The following ADGRD1 variants were observed in gnomAD, a reference collection of about 807,000 sequenced individuals.
ADGRD1 encodes adhesion G protein-coupled receptor D1.
In ADGRD1, 77 loss-of-function variants were observed where a neutral mutation model predicts 113.4. The observed-to-expected ratio is 0.68, with a 90% CI of 0.57 to 0.82. The LOEUF (loss-of-function observed/expected upper bound fraction) is 0.82. Among genes scored for constraint, ADGRD1 ranks in the 40% least tolerant of loss-of-function variants. The pLI is 0.00. For missense variants in ADGRD1, 1,036 were observed against 1,139.1 expected (o/e 0.91, Z 1.30); for synonymous variants, 474 against 475.0 (o/e 1.00, Z 0.03).
rs886373822 is a variant in ADGRD1, at chr12:130,963,640, G to C, written c.104-2823G>C. On this transcript the variant is annotated intron_variant, in intron 2 of 24. Transcript: ENST00000261654. ...ATGAACCTTAGTATTCGTCCCAGCT[G>C]TATTCCAGTCCAGAGTGTAGATGTG... is the stretch of plus-strand genomic sequence containing the variant. Among the ~76,000 whole-genome samples the C allele has an allele frequency of 1.6e-4, 25 of 152,222 alleles. 1 individual carries two copies. Among genetic ancestry groups the C allele is most frequent in the Admixed American group, 1.4e-3 (21 of 15,286 alleles).
At chr12:130,962,846 A>T (rs1276106339) in intron 2 of ADGRD1, 1 of 152,182 alleles carries the variant, frequency 6.6e-6, no homozygotes, top group Non-Finnish European at 1.5e-5. Context: ...GACAGATGCA[A>T]ATTGAAAAGT....
chr12:131,039,515 C>A (rs979550678), intron 13 of ADGRD1, among the ~76,000 whole-genome samples: 1 of 152,260 alleles, frequency 6.6e-6, no homozygotes, highest in Non-Finnish European at 1.5e-5. Context: ...ACAAATGAGT[C>A]CTGTTCCCTG....
intron 13 of ADGRD1, among the ~76,000 whole-genome samples, chr12:131,072,647 T>C (rs1885277482): frequency 6.6e-6 from 1 of 152,198 alleles, no homozygotes; most frequent in African/African-American, 2.4e-5. Flanking sequence ...TCAGGACTTA[T>C]TCCATTGAAA....
chr12:131,136,436 T>C (rs1951087898), intron 22 of ADGRD1, among the ~76,000 whole-genome samples: 1 of 152,226 alleles, frequency 6.6e-6, no homozygotes, highest in South Asian at 2.1e-4. Flanking sequence ...ACAGTCTGCC[T>C]GTGGCAGCTC....
At chr12:130,983,887 C>T (rs1873312763) in intron 5 of ADGRD1, among the ~76,000 whole-genome samples, 2 of 152,176 alleles carry the variant, frequency 1.3e-5, no homozygotes, top group African/African-American at 4.8e-5. Flanking sequence ...GCTGGCAGAA[C>T]AAAGGGAACC....
intron 13 of ADGRD1, among the ~76,000 whole-genome samples, chr12:131,045,929 G>A (rs538202692): frequency 5.8e-4 from 88 of 151,040 alleles, no homozygotes; most frequent in South Asian, 1.7e-3. Flanking sequence ...CTTCCTGGTG[G>A]TGCTCCCGCC....
At position 131,075,627 on chromosome 12, in the gene ADGRD1, G is replaced by T. The variant is rs1885542099; in HGVS notation, c.1474-1174G>T. On this transcript the variant is annotated intron_variant, in intron 13 of 24. Transcript: ENST00000261654. This position sits in a 1 kb window ranked among gnomAD's most constrained non-coding sequence, Gnocchi z 5.3. The stretch of plus-strand genomic sequence containing the variant: ...CTGGAGGAGCTGTCAGACAGATGCT[G>T]CGATGATAGCCCTGTGAGTCCTTTG... Among the ~76,000 whole-genome samples the T allele has an allele frequency of 6.6e-6, 1 of 152,242 alleles. No homozygotes were observed. Among genetic ancestry groups the T allele is most frequent in the Non-Finnish European group, 1.5e-5 (1 of 68,036 alleles).
Position 130,971,481 on chromosome 12 carries a change from A to G in ADGRD1, c.211A>G (p.Lys71Glu). ...AGATATTGTGGAAGGGAAGGTCAAC[A>G]AAGGCATTTACCTGAAAGAGGAAAA... ...TGDIVEGKVN[K>E]GIYLKEEKGV... Residue 71 changes from lysine to glutamate, a missense_variant, in exon 4 of 25, where the codon AAA (lysine) becomes GAA (glutamate). Physicochemically the swap from Lys to Glu is moderately conservative, Grantham distance 56. Transcript: ENST00000261654. This position sits in a 1 kb window ranked among gnomAD's most constrained non-coding sequence, Gnocchi z 4.2. 6.2e-7 allele frequency: 1 copy of G among 1,613,652 alleles called. No homozygotes were observed. Among genetic ancestry groups the G allele is most frequent in the South Asian group, 1.1e-5 (1 of 91,014 alleles).
chr12:131,125,055 C>T (rs1265774482), intron 20 of ADGRD1, among the ~76,000 whole-genome samples: 5 of 152,192 alleles, frequency 3.3e-5, no homozygotes, highest in African/African-American at 1.2e-4. Context: ...ACATGCTTTT[C>T]CCTCTGTGCA....
In ADGRD1 at chr12:130,966,691, C is replaced by A; in HGVS notation, c.187+145C>A. 1 of 646,762 alleles carries A rather than the reference C, an allele frequency of 1.5e-6. No homozygotes were observed. The highest frequency in any genetic ancestry group is 2.8e-6 in the Non-Finnish European group (1 of 355,208). 40.1% of individuals were successfully genotyped at this position (646,762 alleles called of 1,614,324 possible). ...AGAGTGACTGTGGGCCGGGGAATCCCAGGGCCATCGGGGAGCAGATGTGGA... is the reference window on the plus strand; with the variant it reads ...AGAGTGACTGTGGGCCGGGGAATCCAAGGGCCATCGGGGAGCAGATGTGGA... On this transcript the variant is annotated intron_variant, in intron 3 of 24. Coordinates refer to ENST00000261654, the MANE Select transcript of ADGRD1 (RefSeq NM_198827.5). This position sits in a 1 kb window ranked among gnomAD's most constrained non-coding sequence, Gnocchi z 4.6.
intron 16 of ADGRD1, 28 bp downstream of exon 16, chr12:131,104,962 C>CA (rs1351566446): frequency 6.9e-7 from 1 of 1,449,114 alleles, no homozygotes; most frequent in African/African-American, 1.4e-5. Context: ...ATCCACCCAA[C>CA]AGTCTCTCGG....
At chr12:130,979,288 T>C (rs1183755520) in intron 4 of ADGRD1, among the ~76,000 whole-genome samples, 1 of 152,242 alleles carries the variant, frequency 6.6e-6, no homozygotes, top group Non-Finnish European at 1.5e-5. Flanking sequence ...TCCAATTTTT[T>C]TGAGGTTCTT....
chr12:131,135,038 C>T (rs768410506), intron 21 of ADGRD1, among the ~76,000 whole-genome samples: 2 of 152,194 alleles, frequency 1.3e-5, no homozygotes, highest in Non-Finnish European at 2.9e-5. Flanking sequence ...CTCTAAAGCT[C>T]AAAGGCAGAA....
chr12:131,009,630 A>G (rs559803565), intron 12 of ADGRD1, among the ~76,000 whole-genome samples: 1 of 152,314 alleles, frequency 6.6e-6, no homozygotes, highest in African/African-American at 2.4e-5. Context: ...GGAAATGTGC[A>G]TGTGTGCGTG....
At chr12:130,964,411 C>T (rs531928133) in intron 2 of ADGRD1, among the ~76,000 whole-genome samples, 42 of 152,236 alleles carry the variant, frequency 2.8e-4, no homozygotes, top group South Asian at 1.2e-3. Flanking sequence ...TGGGGCCAGG[C>T]GCGTTGGCTC....
chr12:130,973,166 C>T (rs924070986), intron 4 of ADGRD1: 1 of 152,208 alleles, frequency 6.6e-6, no homozygotes, highest in East Asian at 1.9e-4. Flanking sequence ...CTCCAGTTCC[C>T]CTCAGTCCCC....
intron 8 of ADGRD1, among the ~76,000 whole-genome samples, chr12:130,998,902 T>C (rs938286733): frequency 1.3e-5 from 2 of 152,200 alleles, no homozygotes; most frequent in Admixed American, 6.5e-5. Flanking sequence ...ACTAGAGATG[T>C]GCTGTGAGTG....
chr12:130,958,407 C>G (rs1229015866), intron 2 of ADGRD1, among the ~76,000 whole-genome samples: 2 of 152,028 alleles, frequency 1.3e-5, no homozygotes, highest in Non-Finnish European at 2.9e-5. Context: ...ACCATGTTGA[C>G]CAGGCTGGTC....
chr12:130,996,332 C>T (rs1875343953), intron 8 of ADGRD1, among the ~76,000 whole-genome samples: 1 of 135,064 alleles, frequency 7.4e-6, no homozygotes, highest in African/African-American at 2.7e-5. Context: ...AGAGGGGCTC[C>T]TCACTTCCCA....
Sources: gnomAD v4.1 joint callset for allele counts (sites outside exome capture counted in the v4.1 genomes callset) on GRCh38, gnomAD v4.1.1 for gene constraint, Gnocchi (gnomAD v3.1) non-coding constraint, MANE v1.5 for transcripts, NCBI Gene and HGNC (gene_info 2026-07-23, HGNC 2026-07-21) for gene names.